NEDD9: variants seen among roughly 807,000 people sequenced by gnomAD.
NEDD9 encodes the protein neural precursor cell expressed, developmentally down-regulated 9.
NEDD9 carries 26 observed loss-of-function variants against 76.6 expected under a neutral mutation model. The observed-to-expected ratio is 0.34, with a 90% confidence interval of 0.25 to 0.47. The LOEUF (loss-of-function observed/expected upper bound fraction) is 0.47, where lower values mean the gene tolerates loss of function less well. Ranked by LOEUF, NEDD9 falls within the 20% of genes least tolerant of loss-of-function variation. The probability of loss-of-function intolerance (pLI) is 1.00; values close to 1 mark genes in which losing one functional copy is unlikely to be tolerated. For missense variants in NEDD9, 937 were observed against 1,058.5 expected (o/e 0.89, Z 1.59); for synonymous variants, 392 against 414.2 (o/e 0.95, Z 0.65).
At chr6:11,191,900 G>T in intron 4 of NEDD9, among the ~76,000 whole-genome samples, 1 of 152,076 alleles carries the variant, frequency 6.6e-6, no homozygotes, top group Non-Finnish European at 1.5e-5. Flanking sequence ...AGCTACTTGG[G>T]AGCCTGAGGT....
At chr6:11,300,698 G>A (rs1363725808) in intron 3 of NEDD9, among the ~76,000 whole-genome samples, 79 of 152,270 alleles carry the variant, frequency 5.2e-4, no homozygotes, top group East Asian at 1.2e-3. Context: ...AAGAGAGTGG[G>A]GGCCAATATT....
At chr6:11,245,744 T>C (rs1244988162) in intron 3 of NEDD9, among the ~76,000 whole-genome samples, 1 of 152,244 alleles carries the variant, frequency 6.6e-6, no homozygotes, top group Non-Finnish European at 1.5e-5. Context: ...CTACATTTGA[T>C]TTGTGGAAAT....
intron 2 of NEDD9, among the ~76,000 whole-genome samples, chr6:11,308,928 A>G (rs1346466971): frequency 1.3e-5 from 2 of 152,224 alleles, no homozygotes; most frequent in African/African-American, 4.8e-5. Flanking sequence ...TATGATATAT[A>G]TTGCAGATTT....
At chr6:11,197,170 A>G (rs1016205133) in intron 2 of NEDD9, among the ~76,000 whole-genome samples, 2 of 151,980 alleles carry the variant, frequency 1.3e-5, no homozygotes, top group Non-Finnish European at 2.9e-5. Context: ...CATTAAAGGA[A>G]TTGCTACACA....
intron 1 of NEDD9, among the ~76,000 whole-genome samples, chr6:11,346,099 GC>G (rs1388640595): frequency 6.6e-6 from 1 of 152,164 alleles, no homozygotes; most frequent in Non-Finnish European, 1.5e-5. Flanking sequence ...TATTTATTTG[GC>G]TTTTTTGTGT....
chr6:11,242,732 A>AG (rs148733902), intron 3 of NEDD9, among the ~76,000 whole-genome samples: 3,357 of 152,160 alleles, frequency 0.022, 74 homozygotes, highest in East Asian at 0.12. Flanking sequence ...GCTCTCTGCA[A>AG]GTAAGTTCTG....
chr6:11,218,009 C>G (rs986633602), intron 1 of NEDD9, among the ~76,000 whole-genome samples: 4 of 152,216 alleles, frequency 2.6e-5, no homozygotes, highest in Non-Finnish European at 5.9e-5. Flanking sequence ...TGATCATGTT[C>G]CAAAGAGATT....
At chr6:11,346,667 G>C (rs911073468) in intron 1 of NEDD9, among the ~76,000 whole-genome samples, 4 of 152,196 alleles carry the variant, frequency 2.6e-5, no homozygotes, top group African/African-American at 9.7e-5. Context: ...TGGAGTTATA[G>C]ATAGGATCTG....
intron 1 of NEDD9, among the ~76,000 whole-genome samples, chr6:11,367,859 A>T (rs915997032): frequency 3.9e-5 from 6 of 152,146 alleles, no homozygotes; most frequent in African/African-American, 1.4e-4. Context: ...GGCACCTTCT[A>T]CACAGCACCC....
In NEDD9 at chr6:11,306,152, G is replaced by C; in HGVS notation, c.-149C>G. 3 of 906,210 alleles carry C rather than the reference G, an allele frequency of 3.3e-6. 1 individual carries two copies. Among genetic ancestry groups the C allele is most frequent in the Non-Finnish European group, 5.4e-6 (3 of 559,682 alleles). 56.1% of individuals were successfully genotyped at this position (906,210 alleles called of 1,614,324 possible). ...GACATTACGGACCTCACAGCTTACT[G>C]AATCTGAAAACAGGAGATAGAGATG... On this transcript the variant is annotated 5_prime_UTR_variant, in exon 3 of 4. Transcript: ENST00000397378.
At chr6:11,277,861 C>G (rs762968005) in intron 3 of NEDD9, among the ~76,000 whole-genome samples, 1 of 152,214 alleles carries the variant, frequency 6.6e-6, no homozygotes, top group Non-Finnish European at 1.5e-5. Context: ...ATAGCTAACT[C>G]GGCTGGTTCT....
chr6:11,353,375 G>T (rs1161032158), intron 1 of NEDD9, among the ~76,000 whole-genome samples: 5 of 152,240 alleles, frequency 3.3e-5, no homozygotes, highest in African/African-American at 4.8e-5. Flanking sequence ...AGAGAACTCT[G>T]TGTGAAAGAG....
At chr6:11,246,424 C>T (rs1347365903) in intron 3 of NEDD9, among the ~76,000 whole-genome samples, 2 of 152,254 alleles carry the variant, frequency 1.3e-5, no homozygotes, top group Non-Finnish European at 2.9e-5. Context: ...TGAACCATCA[C>T]GACGTGGTCC....
intron 2 of NEDD9, among the ~76,000 whole-genome samples, chr6:11,333,527 A>G (rs1446554727): frequency 6.6e-6 from 1 of 152,240 alleles, no homozygotes; most frequent in East Asian, 1.9e-4. Flanking sequence ...GAGCAGAGGA[A>G]GTGCTCGGAC....
At chr6:11,219,366 C>A (rs1287150199) in intron 1 of NEDD9, among the ~76,000 whole-genome samples, 1 of 152,226 alleles carries the variant, frequency 6.6e-6, no homozygotes, top group Non-Finnish European at 1.5e-5. Context: ...TGTATCACCC[C>A]ACTAAGACTG....
chr6:11,285,303 C>A (rs868022099), intron 3 of NEDD9, among the ~76,000 whole-genome samples: 1 of 151,838 alleles, frequency 6.6e-6, no homozygotes, highest in Non-Finnish European at 1.5e-5. Flanking sequence ...GTTCTCTGTA[C>A]ACCAAAAACC....
intron 2 of NEDD9, among the ~76,000 whole-genome samples, chr6:11,327,204 G>T (rs974382713): frequency 6.6e-6 from 1 of 152,202 alleles, no homozygotes; most frequent in African/African-American, 2.4e-5. Context: ...TGAAGAAAGA[G>T]ACAATCGGAC....
intron 1 of NEDD9, among the ~76,000 whole-genome samples, chr6:11,344,619 A>G (rs1251671617): frequency 6.6e-6 from 1 of 152,026 alleles, no homozygotes; most frequent in African/African-American, 2.4e-5. Flanking sequence ...GCTGATCTCT[A>G]CTGCACCTAG....
intron 1 of NEDD9, among the ~76,000 whole-genome samples, chr6:11,381,460 C>T (rs1763062265): frequency 6.6e-6 from 1 of 152,158 alleles, no homozygotes; most frequent in African/African-American, 2.4e-5. Flanking sequence ...AAAAATTTGC[C>T]TCAAGTCCTT....
Sources: gnomAD v4.1 joint callset for allele counts (sites outside exome capture counted in the v4.1 genomes callset) on GRCh38, gnomAD v4.1.1 for gene constraint, MANE v1.5 for transcripts, NCBI Gene and HGNC (gene_info 2026-07-23, HGNC 2026-07-21) for gene names.